The following FGG variants were observed in gnomAD, a reference collection of about 807,000 sequenced individuals.
FGG encodes fibrinogen gamma chain.
FGG carries 20 observed loss-of-function variants against 51.7 expected under a neutral mutation model. That is an observed-to-expected ratio of 0.39 (90% confidence interval 0.27 to 0.56). The LOEUF (loss-of-function observed/expected upper bound fraction) is 0.56. Among genes scored for constraint, FGG ranks in the 20% least tolerant of loss-of-function variants. The pLI, the probability that FGG is intolerant of heterozygous loss-of-function variation, is 0.64. For missense variants in FGG, 460 were observed against 534.2 expected (o/e 0.86, Z 1.37); for synonymous variants, 184 against 184.7 (o/e 1.00, Z 0.03).
chr4:154,605,281 C>T (rs1731077337), intron 8 of FGG, among the ~76,000 whole-genome samples: 2 of 152,032 alleles, frequency 1.3e-5, no homozygotes, highest in Admixed American at 1.3e-4. Context: ...TAGTCACATC[C>T]ACACTTTAAA....
rs762488338 is a variant in FGG at position 154,608,608 on chromosome 4, A to G, written c.709T>C (p.Tyr237His). The G allele has an allele frequency of 4.8e-5, 77 of 1,611,200 alleles. No homozygotes were observed. The highest frequency in any genetic ancestry group is 3.3e-4 in the Middle Eastern group (2 of 6,076). The change falls in exon 7 of 9, where the codon TAT (tyrosine) becomes CAT (histidine). Residue 237 changes from tyrosine to histidine, a missense_variant. By Grantham distance (83) the Tyr-to-His change is moderately conservative (BLOSUM62 2). This residue lies in a region of FGG where 353 missense variants were observed against 391.7 expected (regional missense o/e 0.90). Coordinates refer to ENST00000336098, the MANE Select transcript of FGG (RefSeq NM_021870.3). ...SVDFKKNWIQ[Y>H]KEGFGHLSPT... is the part of the protein sequence containing the mutation. ...GACAGATGTCCAAATCCTTCTTTAT[A>G]TTGAATCCAGTTTTTCTTGAAATCT...
chr4:154,610,006 C>G (rs1731175832), intron 5 of FGG, 61 bp downstream of exon 5: 2 of 1,605,410 alleles, frequency 1.2e-6, no homozygotes, highest in East Asian at 2.2e-5. Flanking sequence ...CCAGTACATA[C>G]TTTCTCCTTT....
At chr4:154,605,781 G>A (rs745831151) in intron 8 of FGG, among the ~76,000 whole-genome samples, 3 of 152,032 alleles carry the variant, frequency 2.0e-5, no homozygotes, top group Non-Finnish European at 2.9e-5. Context: ...ACTGTGCAAA[G>A]TTTCCTAGTT....
At position 154,608,515 on chromosome 4, in the gene FGG, T is replaced by C; in HGVS notation, c.802A>G (p.Ile268Val). The C allele has an allele frequency of 6.2e-7, 1 of 1,613,774 alleles. No individual in the cohort carries two copies. Among genetic ancestry groups the C allele is most frequent in the Non-Finnish European group, 8.5e-7 (1 of 1,179,834 alleles). The change falls in exon 7 of 9, where the codon ATC (isoleucine) becomes GTC (valine). Residue 268 changes from isoleucine (I) to valine (V), a missense_variant. Coordinates refer to ENST00000336098, the MANE Select transcript of FGG (RefSeq NM_021870.3). ...AGTTCCACTCTTAATGCATATGGGA[T>C]GGCAGACTGTGTGCTTATCAAATGA... is the stretch of plus-strand genomic sequence containing the variant. ...KIHLISTQSA[I>V]PYALRVELED...
At position 154,610,207 on chromosome 4, in the gene FGG, G is replaced by A; in HGVS notation, c.402-10C>T. On this transcript the variant is annotated splice_polypyrimidine_tract_variant and intron_variant, in intron 4 of 8. Transcript: ENST00000336098. ...TATTTCCTGCAAATATCTACAAACAGAAACATAAGATAACAAAAATAAGAA... is the reference window on the plus strand; with the variant it reads ...TATTTCCTGCAAATATCTACAAACAAAAACATAAGATAACAAAAATAAGAA... The A allele has an allele frequency of 6.5e-7, 1 of 1,543,066 alleles. No individual in the cohort carries two copies. Among genetic ancestry groups the A allele is most frequent in the Non-Finnish European group, 9.0e-7 (1 of 1,116,272 alleles).
Position 154,604,553 on chromosome 4 carries a change from T to A in FGG, c.*281A>T, listed in dbSNP as rs1560833112. On this transcript the variant is annotated 3_prime_UTR_variant, in exon 9 of 9. Transcript: ENST00000336098. ...ATGAAAATAATTTACGAAGACAAAA[T>A]AAATGACAAGTGGTCATAAAAATGC... 4 of 1,145,162 alleles carry A rather than the reference T, an allele frequency of 3.5e-6. No homozygotes were observed. The allele number at this position is 1,145,162 out of a possible 1,614,324, so 70.9% of individuals were successfully genotyped here. A position where few individuals can be genotyped will look rare whatever the true frequency, so the allele number is the denominator to read the frequency against.
At chr4:154,607,299 T>C (rs972566711) in intron 7 of FGG, among the ~76,000 whole-genome samples, 2 of 152,082 alleles carry the variant, frequency 1.3e-5, no homozygotes, top group African/African-American at 4.8e-5. Flanking sequence ...TCTAATTTCA[T>C]ATTTTCTACT....
At chr4:154,609,186 T>G (rs1731155502) in intron 6 of FGG, among the ~76,000 whole-genome samples, 1 of 151,242 alleles carries the variant, frequency 6.6e-6, no homozygotes, top group Non-Finnish European at 1.5e-5. Flanking sequence ...CTCTGGTGTG[T>G]GAAAGGGTGG....
At chr4:154,609,848 T>A in intron 5 of FGG, 85 bp from the exon 6 acceptor site, 1 of 1,582,722 alleles carries the variant, frequency 6.3e-7, no homozygotes, top group Non-Finnish European at 8.7e-7. Context: ...TAACATGTAG[T>A]AAACTATTCA....
chr4:154,607,049 C>T (rs539614191), intron 7 of FGG, 67 bp from the exon 8 acceptor site: 7 of 1,490,746 alleles, frequency 4.7e-6, no homozygotes, highest in East Asian at 2.3e-5. Flanking sequence ...TTCCCTCTTT[C>T]GTAGGATGCT....
In FGG at chr4:154,609,666, G is replaced by C. The variant is rs148688900; in HGVS notation, c.630C>G (p.Ile210Met). ...CAGTCCATCCATTTCCAGACCCATC[G>C]ATTTCACAGTAGACTAAGAATTGCT... ...ANQQFLVYCEIDGSGNGWTVF... is the reference protein window; with the variant it reads ...ANQQFLVYCEMDGSGNGWTVF... The change falls in exon 6 of 9, where the codon ATC (isoleucine) becomes ATG (methionine). Residue 210 changes from isoleucine to methionine, a missense_variant. Physicochemically the swap from Ile to Met is conservative, Grantham distance 10 (BLOSUM62 1). Transcript: ENST00000336098. 1.2e-6 allele frequency: 2 copies of C among 1,613,782 alleles called. No homozygotes were observed. The highest frequency in any genetic ancestry group is 2.7e-5 in the African/African-American group (2 of 74,898).
chr4:154,609,480 C>G, intron 6 of FGG, 150 bp downstream of exon 6: 1 of 928,280 alleles, frequency 1.1e-6, no homozygotes. Context: ...GTTTCCTTTT[C>G]TGTAAATAGG....
chr4:154,606,688 A>T lies in FGG; in HGVS notation c.1129+17T>A. On this transcript the variant is annotated intron_variant, in intron 8 of 8. Transcript: ENST00000336098. ...TACACTATACATTAACTTGGAATCT[A>T]AGAAAGGAAAACATACCTTGGTAAT... 1 of 1,613,514 alleles carries T rather than the reference A, an allele frequency of 6.2e-7. No individual in the cohort carries two copies. Among genetic ancestry groups the T allele is most frequent in the South Asian group, 1.1e-5 (1 of 91,074 alleles).
Position 154,610,205 on chromosome 4 carries a change from C to A in FGG, c.402-8G>T. 1 of 1,549,160 alleles carries A rather than the reference C, an allele frequency of 6.5e-7. No homozygotes were observed. The highest frequency in any genetic ancestry group is 8.9e-7 in the Non-Finnish European group (1 of 1,121,626). On this transcript the variant is annotated splice_polypyrimidine_tract_variant and splice_region_variant and intron_variant, in intron 4 of 8. Transcript: ENST00000336098. ...TATATTTCCTGCAAATATCTACAAACAGAAACATAAGATAACAAAAATAAG... is the reference window on the plus strand; with the variant it reads ...TATATTTCCTGCAAATATCTACAAAAAGAAACATAAGATAACAAAAATAAG...
At chr4:154,604,148 A>G, downstream of FGG, 1 of 459,430 alleles carries the variant, frequency 2.2e-6, no homozygotes. Context: ...GTCTTAGGAA[A>G]CAAAAGGTTT....
chr4:154,611,876 C>T lies in FGG; in HGVS notation c.330G>A (p.Leu110=). ...TTTCTTCTAACATTTTCCTGGACTTCAAAGTAGCAGCGTCTATCATATCTG... is the reference window on the plus strand; with the variant it reads ...TTTCTTCTAACATTTTCCTGGACTTTAAAGTAGCAGCGTCTATCATATCTG... ...SKPNMIDAAT[L]KSRKMLEEIM... is the part of the protein sequence containing the mutation. The change falls in exon 4 of 9, where the codon TTG becomes TTA. Residue 110 remains leucine (L), a synonymous_variant. Transcript: ENST00000336098. 2 of 1,612,106 alleles carry T rather than the reference C, an allele frequency of 1.2e-6. No individual in the cohort carries two copies. Among genetic ancestry groups the T allele is most frequent in the Non-Finnish European group, 1.7e-6 (2 of 1,179,190 alleles).
intron 8 of FGG, 86 bp downstream of exon 8, chr4:154,606,616 ATTC>A: frequency 7.4e-7 from 1 of 1,359,738 alleles, no homozygotes. Flanking sequence ...TTTATAAATT[ATTC>A]TTCATTTCTT....
At chr4:154,611,029 T>C (rs1029518839) in intron 4 of FGG, among the ~76,000 whole-genome samples, 5 of 152,070 alleles carry the variant, frequency 3.3e-5, no homozygotes, top group Non-Finnish European at 7.4e-5. Flanking sequence ...ACTTCAATGA[T>C]GGACAATAAT....
At chr4:154,606,285 T>G (rs1731095019) in intron 8 of FGG, among the ~76,000 whole-genome samples, 1 of 152,182 alleles carries the variant, frequency 6.6e-6, no homozygotes, top group Admixed American at 6.5e-5. Flanking sequence ...TTGCCTTCTC[T>G]TTATTCTGTT....
Sources: gnomAD v4.1 joint callset for allele counts (sites outside exome capture counted in the v4.1 genomes callset) on GRCh38, gnomAD v4.1.1 for gene constraint, gnomAD v4.1.1 regional missense constraint, MANE v1.5 for transcripts, NCBI Gene and HGNC (gene_info 2026-07-23, HGNC 2026-07-21) for gene names.